The following GRID2 variants were observed in gnomAD, a reference collection of about 807,000 sequenced individuals.
The protein encoded by GRID2 is glutamate ionotropic receptor delta type subunit 2.
GRID2 carries 33 observed loss-of-function variants against 114.8 expected under a neutral mutation model. That is an observed-to-expected ratio of 0.29 (90% CI 0.22 to 0.38). The LOEUF (loss-of-function observed/expected upper bound fraction) is 0.38. Ranked by LOEUF, GRID2 falls within the 10% of genes least tolerant of loss-of-function variation. The pLI, the probability that GRID2 is intolerant of heterozygous loss-of-function variation, is 1.00. For synonymous variants in GRID2, 505 were observed against 449.9 expected, an observed-to-expected ratio of 1.12 and a Z score of -1.55; for missense variants, 1,184 against 1,257.7, an observed-to-expected ratio of 0.94 and a Z score of 0.89.
At chr4:93,713,025 C>G (rs17021048) in intron 14 of GRID2, among the ~76,000 whole-genome samples, 31,263 of 151,902 alleles carry the variant, frequency 0.21, 3,677 homozygotes, top group East Asian at 0.51. Context: ...GTATATGAGC[C>G]ATTTTCCTGA....
chr4:92,428,068 C>G (rs1042557336), intron 1 of GRID2, among the ~76,000 whole-genome samples: 9 of 152,024 alleles, frequency 5.9e-5, no homozygotes, highest in Admixed American at 5.9e-4. Context: ...CAAGACCATC[C>G]TGGCTAACAC....
intron 1 of GRID2, among the ~76,000 whole-genome samples, chr4:92,410,318 C>G (rs1391449900): frequency 2.0e-5 from 3 of 152,182 alleles, no homozygotes. Flanking sequence ...TAAGGCAGTA[C>G]ATTTAACTAT....
chr4:93,401,551 G>C (rs1163465429), intron 9 of GRID2, among the ~76,000 whole-genome samples: 4 of 151,974 alleles, frequency 2.6e-5, no homozygotes, highest in Non-Finnish European at 4.4e-5. Context: ...AAACGTCACT[G>C]GGCAAGAAGC....
intron 1 of GRID2, among the ~76,000 whole-genome samples, chr4:92,384,523 A>ATATATATATATATATAT (rs1174453630): frequency 3.2e-5 from 1 of 31,444 alleles, no homozygotes; most frequent in African/African-American, 1.4e-4. Context: ...AATATTATAT[A>ATATATATATATATATAT]ATATAATATA....
rs868635944 is a variant in GRID2, at chr4:93,513,005, A to G, written c.1998-2211A>G. On this transcript the variant is annotated intron_variant, in intron 12 of 15. Coordinates refer to ENST00000282020, the MANE Select transcript of GRID2 (RefSeq NM_001510.4). ...TATTTAAATGAAGGCACTGAAAAAAAAACTGCACTAAACTGTGATCTCACC... is the reference window on the plus strand; with the variant it reads ...TATTTAAATGAAGGCACTGAAAAAAGAACTGCACTAAACTGTGATCTCACC... Among the ~76,000 whole-genome samples, 4 of 152,158 alleles carry G rather than the reference A, an allele frequency of 2.6e-5. No homozygotes were observed. In the South Asian group the frequency reaches 6.2e-4, roughly 24 times the overall value.
At chr4:93,625,217 G>A (rs1260760253) in intron 13 of GRID2, among the ~76,000 whole-genome samples, 2 of 152,176 alleles carry the variant, frequency 1.3e-5, no homozygotes, top group Non-Finnish European at 2.9e-5. Flanking sequence ...AGTAACCCAA[G>A]GCGTCAGTAG....
intron 4 of GRID2, among the ~76,000 whole-genome samples, chr4:93,147,797 C>G (rs1406229557): frequency 1.3e-5 from 2 of 152,204 alleles, no homozygotes; most frequent in African/African-American, 2.4e-5. Flanking sequence ...ACTATTTACA[C>G]TCCTTATGAT....
At chr4:92,871,179 C>T (rs1188211625) in intron 2 of GRID2, among the ~76,000 whole-genome samples, 1 of 151,904 alleles carries the variant, frequency 6.6e-6, no homozygotes, top group Non-Finnish European at 1.5e-5. Flanking sequence ...GTTTAACATT[C>T]TGACTTGGTC....
chr4:93,063,411 G>T (rs1028287209), intron 2 of GRID2, among the ~76,000 whole-genome samples: 3 of 151,766 alleles, frequency 2.0e-5, no homozygotes, highest in African/African-American at 7.2e-5. Flanking sequence ...TAAACTTTAG[G>T]AGTATTTACT....
chr4:93,302,292 G>T (rs369476864), intron 8 of GRID2, among the ~76,000 whole-genome samples: 129 of 152,290 alleles, frequency 8.5e-4, no homozygotes, highest in African/African-American at 3.0e-3. Context: ...AGTTGAAACA[G>T]TTGCAATACT....
In GRID2 at chr4:92,922,491, C is replaced by T. The variant is rs530561532; in HGVS notation, c.245-162504C>T. Among the ~76,000 whole-genome samples, 8 of 152,152 alleles carry T rather than the reference C, an allele frequency of 5.3e-5. No individual in the cohort carries two copies. In the East Asian group the frequency reaches 1.4e-3, roughly 26 times the overall value. The stretch of plus-strand genomic sequence containing the variant: ...TCCTATTCAGCCATCTCTCCACCCC[C>T]CCAGAAACTGACACTTAACTTTTAG... On this transcript the variant is annotated intron_variant, in intron 2 of 15. Transcript: ENST00000282020.
At chr4:93,270,215 T>A (rs903272213) in intron 8 of GRID2, among the ~76,000 whole-genome samples, 1 of 137,088 alleles carries the variant, frequency 7.3e-6, no homozygotes. Context: ...CACACACACA[T>A]ACACACACAC....
chr4:92,951,469 G>A (rs996336474), intron 2 of GRID2, among the ~76,000 whole-genome samples: 2 of 151,854 alleles, frequency 1.3e-5, no homozygotes, highest in East Asian at 1.9e-4. Flanking sequence ...GCCTCCTGAG[G>A]AGCTTGGACT....
At chr4:92,704,727 C>CTT (rs1734867426) in intron 2 of GRID2, among the ~76,000 whole-genome samples, 18 of 145,458 alleles carry the variant, frequency 1.2e-4, no homozygotes, top group Non-Finnish European at 1.8e-4. Context: ...CTCTCTTTCT[C>CTT]TCTCTCTCTC....
intron 12 of GRID2, among the ~76,000 whole-genome samples, chr4:93,495,837 G>A (rs888121028): frequency 6.6e-6 from 1 of 151,692 alleles, no homozygotes; most frequent in Non-Finnish European, 1.5e-5. Context: ...CTTATGTAGT[G>A]GATGTAAGAA....
intron 1 of GRID2, among the ~76,000 whole-genome samples, chr4:92,313,081 ATGTGTGTGTGTGTGTGTGTGTGTG>A (rs144557382): frequency 1.4e-5 from 2 of 145,112 alleles, no homozygotes; most frequent in Non-Finnish European, 3.0e-5. Flanking sequence ...AAACTCTGAT[ATGTGTGTGTGTGTGTGTGTGTGTG>A]TGTGTGTGTG....
At chr4:93,808,244 A>T (rs1321665789) in exon 2 of GRID2, 1 of 152,212 alleles carries the variant, frequency 6.6e-6, no homozygotes, top group Non-Finnish European at 1.5e-5. Context: ...TAAAGTCAAA[A>T]GACAGAGCTT....
intron 1 of GRID2, among the ~76,000 whole-genome samples, chr4:92,306,733 T>A (rs1725427125): frequency 6.6e-6 from 1 of 152,210 alleles, no homozygotes; most frequent in South Asian, 2.1e-4. Context: ...AGAACAAAAC[T>A]GTTGTATTTT....
In GRID2 at chr4:92,304,239, G is replaced by C. The variant is rs947513515; in HGVS notation, c.-418G>C. The C allele has an allele frequency of 4.9e-6, 1 of 206,044 alleles. No homozygotes were observed. Among genetic ancestry groups the C allele is most frequent in the African/African-American group, 2.4e-5 (1 of 41,814 alleles). The allele number at this position is 206,044 out of a possible 1,614,324, so 12.8% of individuals were successfully genotyped here. A position where few individuals can be genotyped will look rare whatever the true frequency, so the allele number is the denominator to read the frequency against. ...GTCTTTTTTGGTCCGAGAGGGTGCG[G>C]GGAAGGGGGCACATCCGGCGTGAGG... On this transcript the variant is annotated 5_prime_UTR_variant, in exon 1 of 16. Coordinates refer to ENST00000282020, the MANE Select transcript of GRID2 (RefSeq NM_001510.4).
Sources: gnomAD v4.1 joint callset for allele counts (sites outside exome capture counted in the v4.1 genomes callset) on GRCh38, gnomAD v4.1.1 for gene constraint, MANE v1.5 for transcripts, NCBI Gene and HGNC (gene_info 2026-07-23, HGNC 2026-07-21) for gene names.